The following UXS1 variants were observed in gnomAD, a reference collection of about 807,000 sequenced individuals.
The protein encoded by UXS1 is UDP-glucuronate decarboxylase 1, also known as UDP-glucuronic acid decarboxylase 1.
Under a neutral mutation model 62.6 loss-of-function variants are expected in UXS1, and 33 were observed. That is an observed-to-expected ratio of 0.53 (90% CI 0.40 to 0.70). UXS1 has a LOEUF of 0.70. UXS1 is among the 30% of genes least tolerant of loss of function. The pLI, the probability that UXS1 is intolerant of heterozygous loss-of-function variation, is 0.00. For missense variants in UXS1, 434 were observed against 556.3 expected (o/e 0.78, Z 2.21); for synonymous variants, 213 against 206.8 (o/e 1.03, Z -0.26).
rs142781160 is a variant in UXS1 at position 106,178,153 on chromosome 2, G to A, written c.95-12070C>T. On this transcript the variant is annotated intron_variant, in intron 1 of 14. Transcript: ENST00000283148. ...GTTCTTCCATGTGTCCCCCATCTCT[G>A]TGCCCGCCGCGTGGGGGCCCTGGCC... 2.4e-4 allele frequency among the ~76,000 whole-genome samples: 36 copies of A among 152,244 alleles called. No individual in the cohort carries two copies. The East Asian group carries it at 6.6e-3, about 28-fold the overall frequency.
intron 7 of UXS1, among the ~76,000 whole-genome samples, chr2:106,128,688 T>C (rs960889311): frequency 1.3e-5 from 2 of 152,222 alleles, no homozygotes; most frequent in Middle Eastern, 3.2e-3. Context: ...TCCATAATCA[T>C]GTGAGCCAAT....
intron 9 of UXS1, among the ~76,000 whole-genome samples, chr2:106,120,119 GCCCAGAGGGGCTTGTGGCCTTGGA>G (rs1218092234): frequency 6.6e-6 from 1 of 152,166 alleles, no homozygotes; most frequent in East Asian, 1.9e-4. Flanking sequence ...CAATTTTAGG[GCCCAGAGGGGCTTGTGGCCTTGGA>G]CCCATGGCTC....
Position 106,114,817 on chromosome 2 carries a change from G to A in UXS1, c.760-2052C>T, listed in dbSNP as rs373625516. Among the ~76,000 whole-genome samples the A allele has an allele frequency of 7.6e-4, 115 of 152,172 alleles. 1 individual carries two copies. Among genetic ancestry groups the A allele is most frequent in the African/African-American group, 2.5e-3 (103 of 41,508 alleles). On this transcript the variant is annotated intron_variant, in intron 9 of 14. Coordinates refer to ENST00000283148, the MANE Select transcript of UXS1 (RefSeq NM_001253875.2). ...AGTGCAACAACACTTCCAAGAACAC[G>A]AGCTCTCAAGGCTGGTCTACACCAA...
rs541815355 is a variant in UXS1, at chr2:106,192,880, C to T, written c.94+1268G>A. 8.5e-5 allele frequency among the ~76,000 whole-genome samples: 13 copies of T among 152,320 alleles called. No individual in the cohort carries two copies. The South Asian group carries it at 2.5e-3, about 29-fold the overall frequency. ...AAGAATCATGACTCACACAGTTAAG[C>T]ACTCAACAAATGTAGGTAGTATTAC... is the stretch of plus-strand genomic sequence containing the variant. On this transcript the variant is annotated intron_variant, in intron 1 of 14. Coordinates refer to ENST00000283148, the MANE Select transcript of UXS1 (RefSeq NM_001253875.2).
chr2:106,122,007 G>A (rs990216852), intron 9 of UXS1, among the ~76,000 whole-genome samples: 1 of 152,162 alleles, frequency 6.6e-6, no homozygotes, highest in African/African-American at 2.4e-5. Flanking sequence ...AGACAGTCAG[G>A]AAAACTCCTG....
chr2:106,172,635 C>G (rs34500523), intron 1 of UXS1, among the ~76,000 whole-genome samples: 4,984 of 152,184 alleles, frequency 0.033, 126 homozygotes, highest in East Asian at 0.066. Flanking sequence ...AATCTAGGAC[C>G]TTCCAGGCCA....
intron 1 of UXS1, among the ~76,000 whole-genome samples, chr2:106,171,329 TTAAATAGTCATCAGCTATCA>T (rs1683543880): frequency 2.0e-5 from 3 of 152,252 alleles, no homozygotes; most frequent in African/African-American, 7.2e-5. Context: ...ACTTGATTTC[TTAAATAGTCATCAGCTATCA>T]TGAGATCAAT....
chr2:106,138,046 C>T lies in UXS1; in HGVS notation c.472+7144G>A, dbSNP rs777146196. On this transcript the variant is annotated intron_variant, in intron 6 of 14. Transcript: ENST00000283148. ...AACAAATTATTCATCATTATCTTTA[C>T]TCTTGAGGTGACAAGGTATGCAGGG... is the stretch of plus-strand genomic sequence containing the variant. The T allele has an allele frequency of 7.1e-5, 26 of 366,360 alleles. 1 individual carries two copies. Among genetic ancestry groups the T allele is most frequent in the Non-Finnish European group, 8.7e-5 (23 of 264,502 alleles). 22.7% of individuals were successfully genotyped at this position (366,360 alleles called of 1,614,324 possible).
chr2:106,145,484 C>T, intron 5 of UXS1, 114 bp from the exon 6 acceptor site: 1 of 1,337,082 alleles, frequency 7.5e-7, no homozygotes, highest in Non-Finnish European at 1.0e-6. Context: ...AACTCAGGAG[C>T]AAGGCGGGGA....
chr2:106,189,643 G>A (rs985486889), intron 1 of UXS1, among the ~76,000 whole-genome samples: 13 of 152,000 alleles, frequency 8.6e-5, no homozygotes, highest in Admixed American at 7.2e-4. Flanking sequence ...GGGGACAGGG[G>A]GCTGGACATG....
rs373322713 is a variant in UXS1 at position 106,098,804 on chromosome 2, G to T, written c.985-31C>A. ...AAAGAAACGGTTTCCAGTTATAAGC[G>T]TCATGACAACAGCAGCAATCCACCA... is the stretch of plus-strand genomic sequence containing the variant. On this transcript the variant is annotated intron_variant, in intron 12 of 14. Coordinates refer to ENST00000283148, the MANE Select transcript of UXS1 (RefSeq NM_001253875.2). The T allele has an allele frequency of 1.9e-6, 3 of 1,598,520 alleles. No homozygotes were observed. The South Asian group carries it at 3.4e-5, about 18-fold the overall frequency.
chr2:106,105,543 T>G (rs1016437387), intron 10 of UXS1, among the ~76,000 whole-genome samples: 1 of 152,206 alleles, frequency 6.6e-6, no homozygotes, highest in Non-Finnish European at 1.5e-5. Context: ...GGACAAGCTC[T>G]GATGCCACCT....
Position 106,143,628 on chromosome 2 carries a change from GAA to G in UXS1, c.472+1560_472+1561del, listed in dbSNP as rs1681327770. On this transcript the variant is annotated intron_variant, in intron 6 of 14. Transcript: ENST00000283148. ...TCTCAGCTCTGCCTGCCCCCAGGCA[GAA>G]ATCAAGGTGTCAGCAGGGCTGTGTT... Among the ~76,000 whole-genome samples, 10 of 152,264 alleles carry G rather than the reference GAA, an allele frequency of 6.6e-5. No individual in the cohort carries two copies. The South Asian group carries it at 2.1e-3, about 32-fold the overall frequency.
intron 9 of UXS1, among the ~76,000 whole-genome samples, chr2:106,118,598 C>T (rs887571521): frequency 3.9e-5 from 6 of 152,166 alleles, no homozygotes; most frequent in Non-Finnish European, 8.8e-5. Flanking sequence ...AAAGGCTCTG[C>T]CCTTTGATCT....
At chr2:106,106,407 C>T (rs1193680501) in intron 10 of UXS1, among the ~76,000 whole-genome samples, 1 of 150,454 alleles carries the variant, frequency 6.6e-6, no homozygotes, top group African/African-American at 2.4e-5. Flanking sequence ...CCCCTGAAAG[C>T]CTTATTTATT....
At chr2:106,161,422 G>A (rs966742512) in intron 4 of UXS1, among the ~76,000 whole-genome samples, 1 of 152,104 alleles carries the variant, frequency 6.6e-6, no homozygotes, top group African/African-American at 2.4e-5. Context: ...ACCTGTAGCA[G>A]GTGAAAATCC....
chr2:106,189,212 G>C (rs1684768516), intron 1 of UXS1, among the ~76,000 whole-genome samples: 1 of 149,126 alleles, frequency 6.7e-6, no homozygotes, highest in Non-Finnish European at 1.5e-5. Flanking sequence ...GATTGCCAGG[G>C]CACAAAAAAT....
rs1327246874 is a variant in UXS1, at chr2:106,102,100, G to A, written c.924-982C>T. The A allele has an allele frequency of 4.6e-5, 7 of 152,146 alleles. No homozygotes were observed. The East Asian group carries it at 5.8e-4, about 13-fold the overall frequency. The allele number at this position is 152,146 out of a possible 1,614,324, so 9.4% of individuals were successfully genotyped here. ...TATTTCGTAAATCAGATATTTCTGC[G>A]TTTTCCTTTACGACAAATGCGTATT... On this transcript the variant is annotated intron_variant, in intron 11 of 14. Transcript: ENST00000283148.
chr2:106,110,424 G>A (rs927510571), intron 10 of UXS1, among the ~76,000 whole-genome samples: 1 of 152,184 alleles, frequency 6.6e-6, no homozygotes, highest in Non-Finnish European at 1.5e-5. Flanking sequence ...GCTTCTTGGA[G>A]GCTTTCATGG....
Sources: allele counts gnomAD v4.1 joint callset (sites outside exome capture counted in the v4.1 genomes callset), GRCh38; gene constraint gnomAD v4.1.1; transcripts MANE v1.5; gene names NCBI Gene and HGNC (gene_info 2026-07-23, HGNC 2026-07-21).